The following MGAT4C variants were observed in gnomAD, a reference collection of about 807,000 sequenced individuals.
The protein encoded by MGAT4C is alpha-1,3-mannosyl-glycoprotein 4-beta-N-acetylglucosaminyltransferase C.
MGAT4C carries 19 observed loss-of-function variants against 40.1 expected under a neutral mutation model. That is an observed-to-expected ratio of 0.47 (90% CI 0.33 to 0.70). MGAT4C has a LOEUF of 0.70. Ranked by LOEUF, MGAT4C falls within the 30% of genes least tolerant of loss-of-function variation. The pLI is 0.02. For synonymous variants in MGAT4C, 181 were observed against 187.1 expected (o/e 0.97, Z 0.27); for missense variants, 491 against 563.2 (o/e 0.87, Z 1.30).
intron 1 of MGAT4C, among the ~76,000 whole-genome samples, chr12:86,051,472 A>G (rs1195747529): frequency 6.6e-6 from 1 of 151,890 alleles, no homozygotes. Context: ...TCTCATAGAC[A>G]CTGATGAAAA....
chr12:85,997,189 T>C (rs1886725327), intron 2 of MGAT4C, among the ~76,000 whole-genome samples: 1 of 152,192 alleles, frequency 6.6e-6, no homozygotes, highest in African/African-American at 2.4e-5. Flanking sequence ...GGAACTCCTC[T>C]TTATAAAACC....
intron 1 of MGAT4C, among the ~76,000 whole-genome samples, chr12:86,806,162 A>G (rs533595428): frequency 1.4e-4 from 22 of 151,856 alleles, no homozygotes; most frequent in Non-Finnish European, 2.8e-4. Flanking sequence ...TAGAATATAT[A>G]TATTCTCTAT....
chr12:86,611,420 G>GTAGA (rs1394083425), intron 2 of MGAT4C, among the ~76,000 whole-genome samples: 5 of 146,938 alleles, frequency 3.4e-5, no homozygotes, highest in African/African-American at 5.0e-5. Flanking sequence ...AGGTAGGTAG[G>GTAGA]TAGATAGATA....
intron 1 of MGAT4C, among the ~76,000 whole-genome samples, chr12:86,174,124 T>TACACACACACACACACATAC (rs1887146682): frequency 1.4e-5 from 2 of 143,810 alleles, no homozygotes; most frequent in Non-Finnish European, 3.1e-5. Context: ...CACACACACA[T>TACACACACACACACACATAC]ACACACACAC....
chr12:85,999,583 G>GTATATATATATATA (rs67914292), intron 2 of MGAT4C, among the ~76,000 whole-genome samples: 2 of 122,966 alleles, frequency 1.6e-5, no homozygotes, highest in African/African-American at 5.9e-5. Context: ...GTGTGTGTGT[G>GTATATATATATATA]TATATATATA....
intron 2 of MGAT4C, among the ~76,000 whole-genome samples, chr12:86,489,652 T>C (rs953706394): frequency 6.6e-6 from 1 of 152,182 alleles, no homozygotes; most frequent in Non-Finnish European, 1.5e-5. Flanking sequence ...GCACTGAAGC[T>C]GCTGGCCAGT....
At chr12:86,805,494 G>C (rs1335517118) in intron 1 of MGAT4C, among the ~76,000 whole-genome samples, 1 of 151,846 alleles carries the variant, frequency 6.6e-6, no homozygotes, top group Non-Finnish European at 1.5e-5. Flanking sequence ...GCGTAAATTT[G>C]CTTAAGATAA....
At chr12:86,392,190 G>A (rs543882055) in intron 3 of MGAT4C, among the ~76,000 whole-genome samples, 6 of 152,130 alleles carry the variant, frequency 3.9e-5, no homozygotes, top group South Asian at 2.1e-4. Context: ...AGGTAATGTC[G>A]GCCAGATGCA....
At chr12:86,379,076 T>C (rs1036554743) in intron 3 of MGAT4C, among the ~76,000 whole-genome samples, 3 of 152,140 alleles carry the variant, frequency 2.0e-5, no homozygotes, top group African/African-American at 4.8e-5. Context: ...AAAAATACAA[T>C]TGAACAATAT....
chr12:86,726,158 T>C (rs1470653304), intron 2 of MGAT4C, among the ~76,000 whole-genome samples: 1 of 152,164 alleles, frequency 6.6e-6, no homozygotes, highest in Non-Finnish European at 1.5e-5. Flanking sequence ...TTTAAAACAT[T>C]GGAAATTTGA....
chr12:86,246,564 T>G (rs1281753772), intron 1 of MGAT4C, among the ~76,000 whole-genome samples: 1 of 152,224 alleles, frequency 6.6e-6, no homozygotes, highest in African/African-American at 2.4e-5. Context: ...TTGTTCTAAC[T>G]GTGCTTGAAA....
rs146431743 is a variant in MGAT4C at position 86,130,091 on chromosome 12, C to T, written c.-56-80368G>A. The stretch of plus-strand genomic sequence containing the variant: ...TTGCCTATACTGATGGAATTATGTT[C>T]CCTGAAAAGCAGATAAATGATTTTG... On this transcript the variant is annotated intron_variant, in intron 1 of 4. Transcript: ENST00000611864. Among the ~76,000 whole-genome samples the T allele has an allele frequency of 5.2e-3, 785 of 152,232 alleles. 4 individuals are homozygous for T. The highest frequency in any genetic ancestry group is 0.01 in the Middle Eastern group (3 of 294).
chr12:85,999,400 T>C (rs1385995249), intron 2 of MGAT4C, among the ~76,000 whole-genome samples: 1 of 152,126 alleles, frequency 6.6e-6, no homozygotes, highest in Non-Finnish European at 1.5e-5. Flanking sequence ...CGAAATTATA[T>C]ACAAATGTTC....
At chr12:86,662,439 G>A (rs529547351) in intron 2 of MGAT4C, among the ~76,000 whole-genome samples, 1 of 152,286 alleles carries the variant, frequency 6.6e-6, no homozygotes, top group South Asian at 2.1e-4. Context: ...TTTAGGCAAT[G>A]ACCTATGTGT....
chr12:86,576,406 C>A (rs1213215122), intron 2 of MGAT4C, among the ~76,000 whole-genome samples: 2 of 151,846 alleles, frequency 1.3e-5, no homozygotes, highest in Non-Finnish European at 2.9e-5. Flanking sequence ...TTGCCCAGAC[C>A]AGTGTCCTGA....
At chr12:86,230,868 C>CT (rs1566185351) in intron 1 of MGAT4C, among the ~76,000 whole-genome samples, 6 of 72,182 alleles carry the variant, frequency 8.3e-5, no homozygotes, top group East Asian at 1.3e-3. Context: ...TCAAACACTC[C>CT]CTTTTTTTTT....
At chr12:86,744,371 G>A (rs1429729235) in intron 1 of MGAT4C, among the ~76,000 whole-genome samples, 1 of 151,588 alleles carries the variant, frequency 6.6e-6, no homozygotes, top group East Asian at 2.0e-4. Flanking sequence ...GGGTGGGGAA[G>A]AATAAACGGG....
At chr12:86,117,339 GA>G (rs1460266045) in intron 1 of MGAT4C, among the ~76,000 whole-genome samples, 1 of 152,148 alleles carries the variant, frequency 6.6e-6, no homozygotes, top group African/African-American at 2.4e-5. Context: ...GAGCAGGAAG[GA>G]GAATATAAGA....
At chr12:86,514,473 T>C (rs1958649053) in intron 2 of MGAT4C, among the ~76,000 whole-genome samples, 1 of 152,174 alleles carries the variant, frequency 6.6e-6, no homozygotes, top group Admixed American at 6.5e-5. Flanking sequence ...TGAGGCTCTA[T>C]GGGATAATCT....
Sources: gnomAD v4.1 joint callset for allele counts (sites outside exome capture counted in the v4.1 genomes callset) on GRCh38, gnomAD v4.1.1 for gene constraint, MANE v1.5 for transcripts, NCBI Gene and HGNC (gene_info 2026-07-23, HGNC 2026-07-21) for gene names.